Variants in MACROD2 observed in about 807,000 individuals in gnomAD.
The protein encoded by MACROD2 is mono-ADP ribosylhydrolase 2.
MACROD2 carries 36 observed loss-of-function variants against 70.4 expected under a neutral mutation model. That is an observed-to-expected ratio of 0.51 (90% CI 0.39 to 0.68). The LOEUF (loss-of-function observed/expected upper bound fraction) is 0.68. MACROD2 is among the 30% of genes least tolerant of loss of function. The pLI, the probability that MACROD2 is intolerant of heterozygous loss-of-function variation, is 0.00. For synonymous variants in MACROD2, 172 were observed against 178.8 expected (o/e 0.96, Z 0.30); for missense variants, 496 against 538.4 (o/e 0.92, Z 0.78).
intron 5 of MACROD2, among the ~76,000 whole-genome samples, chr20:15,010,790 C>T (rs966381367): frequency 9.2e-5 from 14 of 152,066 alleles, no homozygotes; most frequent in African/African-American, 2.9e-4. Context: ...TTGAAATGAG[C>T]GTCAGTGAAT....
intron 8 of MACROD2, among the ~76,000 whole-genome samples, chr20:15,767,050 G>C (rs2147008451): frequency 6.6e-6 from 1 of 152,314 alleles, no homozygotes; most frequent in Non-Finnish European, 1.5e-5. Flanking sequence ...ACTTCTCAGG[G>C]CAGTGCTGCC....
intron 5 of MACROD2, among the ~76,000 whole-genome samples, chr20:15,012,143 A>G (rs974806994): frequency 2.0e-5 from 3 of 152,226 alleles, no homozygotes; most frequent in African/African-American, 7.2e-5. Context: ...GAATTTCAAA[A>G]TACTTTGTCA....
intron 4 of MACROD2, among the ~76,000 whole-genome samples, chr20:14,544,423 C>T (rs1355685781): frequency 1.3e-5 from 2 of 151,884 alleles, no homozygotes; most frequent in Admixed American, 1.3e-4. Flanking sequence ...TTAAATCTCC[C>T]ATGTCTCTCT....
At chr20:15,686,031 T>G (rs2050220257) in intron 8 of MACROD2, among the ~76,000 whole-genome samples, 1 of 152,032 alleles carries the variant, frequency 6.6e-6, no homozygotes, top group Non-Finnish European at 1.5e-5. Context: ...AGGAAGGAAG[T>G]AATGAAGGAT....
chr20:14,363,976 A>G (rs2083249630), intron 3 of MACROD2, among the ~76,000 whole-genome samples: 1 of 152,140 alleles, frequency 6.6e-6, no homozygotes, highest in African/African-American at 2.4e-5. Flanking sequence ...TTCAAAACAT[A>G]GATGCCTTGG....
chr20:16,023,589 C>T (rs1324615674), intron 15 of MACROD2, among the ~76,000 whole-genome samples: 1 of 151,452 alleles, frequency 6.6e-6, no homozygotes, highest in Non-Finnish European at 1.5e-5. Flanking sequence ...CGAGGAAGCA[C>T]ATGTGAGGAG....
At chr20:14,401,020 A>G (rs951544398) in intron 3 of MACROD2, among the ~76,000 whole-genome samples, 2 of 152,208 alleles carry the variant, frequency 1.3e-5, no homozygotes, top group Non-Finnish European at 2.9e-5. Flanking sequence ...ACAGACTTCA[A>G]CCGACTTGGT....
At chr20:14,634,348 G>A (rs1984670916) in intron 4 of MACROD2, among the ~76,000 whole-genome samples, 1 of 152,238 alleles carries the variant, frequency 6.6e-6, no homozygotes, top group Non-Finnish European at 1.5e-5. Context: ...GTTTTGCACA[G>A]AGTAAGCATT....
At chr20:15,276,677 T>C (rs867336939) in intron 6 of MACROD2, among the ~76,000 whole-genome samples, 1 of 152,038 alleles carries the variant, frequency 6.6e-6, no homozygotes, top group South Asian at 2.1e-4. Context: ...TCAGTATAAA[T>C]CAAATATAAT....
At chr20:15,818,024 G>T (rs1245279470) in intron 8 of MACROD2, among the ~76,000 whole-genome samples, 3 of 152,132 alleles carry the variant, frequency 2.0e-5, no homozygotes, top group Admixed American at 6.5e-5. Context: ...ATGCCTTGGG[G>T]AACCCTTGCT....
At chr20:14,231,151 ATTATACT>A (rs982149595) in intron 3 of MACROD2, among the ~76,000 whole-genome samples, 15 of 150,982 alleles carry the variant, frequency 9.9e-5, no homozygotes, top group African/African-American at 3.7e-4. Context: ...TTTTTTTTAA[ATTATACT>A]TTAAGTTTTA....
rs1472903911 is a variant in MACROD2, at chr20:14,862,474, T to A, written c.418+177515T>A. 5.2e-4 allele frequency among the ~76,000 whole-genome samples: 6 copies of A among 11,630 alleles called. 1 individual carries two copies. Among genetic ancestry groups the A allele is most frequent in the Non-Finnish European group, 9.3e-4 (6 of 6,446 alleles). 7.6% of individuals were successfully genotyped at this position (11,630 alleles called of 152,430 possible). On this transcript the variant is annotated intron_variant, in intron 5 of 17. Coordinates refer to ENST00000684519, the MANE Select transcript of MACROD2 (RefSeq NM_001351661.2). ...ATAAATATATATAAATATATATATA[T>A]AAATATATATAAATATATATATAAA...
intron 5 of MACROD2, among the ~76,000 whole-genome samples, chr20:14,883,870 G>A (rs2073639549): frequency 6.6e-6 from 1 of 152,142 alleles, no homozygotes; most frequent in Non-Finnish European, 1.5e-5. Context: ...CCTACCACAA[G>A]CTCAACTTTG....
chr20:15,520,662 T>C (rs1448782529), intron 8 of MACROD2, among the ~76,000 whole-genome samples: 1 of 152,188 alleles, frequency 6.6e-6, no homozygotes, highest in African/African-American at 2.4e-5. Flanking sequence ...CAAGATCCCA[T>C]TGGCTGTATG....
intron 8 of MACROD2, among the ~76,000 whole-genome samples, chr20:15,661,078 A>C (rs1361765963): frequency 6.6e-6 from 1 of 152,146 alleles, no homozygotes; most frequent in Non-Finnish European, 1.5e-5. Flanking sequence ...ACTGTTTTCA[A>C]GGGTTTAAAC....
At chr20:15,192,344 A>C (rs143095302) in intron 5 of MACROD2, among the ~76,000 whole-genome samples, 1 of 152,318 alleles carries the variant, frequency 6.6e-6, no homozygotes, top group East Asian at 1.9e-4. Context: ...CAACCTTTTC[A>C]TAATTTTCAC....
At chr20:15,348,631 C>T (rs767187568) in intron 6 of MACROD2, among the ~76,000 whole-genome samples, 6 of 152,008 alleles carry the variant, frequency 3.9e-5, no homozygotes, top group Non-Finnish European at 8.8e-5. Flanking sequence ...ACAATCATGG[C>T]GGAAGGCAAA....
At chr20:14,527,607 A>G (rs1261312760) in intron 4 of MACROD2, among the ~76,000 whole-genome samples, 2 of 152,236 alleles carry the variant, frequency 1.3e-5, no homozygotes, top group Non-Finnish European at 2.9e-5. Flanking sequence ...TACTATTTCT[A>G]TGGAATGAAT....
intron 8 of MACROD2, among the ~76,000 whole-genome samples, chr20:15,827,038 C>G (rs1353818406): frequency 6.6e-6 from 1 of 152,088 alleles, no homozygotes; most frequent in African/African-American, 2.4e-5. Context: ...AATGGTAGAA[C>G]TTTTCTTTTG....
Sources: gnomAD v4.1 joint callset for allele counts (sites outside exome capture counted in the v4.1 genomes callset) on GRCh38, gnomAD v4.1.1 for gene constraint, MANE v1.5 for transcripts, NCBI Gene and HGNC (gene_info 2026-07-23, HGNC 2026-07-21) for gene names.